The following PCLO variants were observed in gnomAD, a reference collection of about 807,000 sequenced individuals.
The protein encoded by PCLO is piccolo presynaptic cytomatrix protein, also known as protein piccolo.
In PCLO, 82 loss-of-function variants were observed where a neutral mutation model predicts 427.5. That is an observed-to-expected ratio of 0.19 (90% CI 0.16 to 0.23). The LOEUF is 0.23. Among genes scored for constraint, PCLO ranks in the 10% least tolerant of loss-of-function variants. The pLI is 1.00. For synonymous variants in PCLO, 2,357 were observed against 2,155.4 expected (o/e 1.09, Z -2.59); for missense variants, 6,239 against 6,115.9 (o/e 1.02, Z -0.67).
At chr7:82,999,978 A>G (rs1374585787) in intron 3 of PCLO, among the ~76,000 whole-genome samples, 1 of 146,146 alleles carries the variant, frequency 6.8e-6, no homozygotes, top group African/African-American at 2.5e-5. Context: ...CCTCCAAATT[A>G]ATGTCAGACA....
chr7:83,020,177 T>A (rs1788307106), intron 3 of PCLO, among the ~76,000 whole-genome samples: 1 of 152,130 alleles, frequency 6.6e-6, no homozygotes, highest in African/African-American at 2.4e-5. Flanking sequence ...TTGGATCTAG[T>A]TTGACCCCTA....
intron 1 of PCLO, 90 bp from the exon 2 acceptor site, chr7:83,156,482 T>C (rs1369599124): frequency 5.2e-6 from 4 of 775,868 alleles, no homozygotes; most frequent in Non-Finnish European, 5.9e-6. Context: ...ATTGCTTATA[T>C]CTTCAAAATT....
At chr7:83,093,472 G>GTGTGTGTGTGTGTGTGTGTGTATATA (rs745824155) in intron 3 of PCLO, among the ~76,000 whole-genome samples, 1 of 99,196 alleles carries the variant, frequency 1.0e-5, no homozygotes, top group African/African-American at 4.6e-5. Flanking sequence ...ATGTGTGTGT[G>GTGTGTGTGTGTGTGTGTGTGTATATA]TATAGATATA....
At chr7:82,895,623 A>C (rs1177200522) in intron 9 of PCLO, among the ~76,000 whole-genome samples, 6 of 151,962 alleles carry the variant, frequency 3.9e-5, no homozygotes, top group Non-Finnish European at 1.5e-5. Flanking sequence ...AAAATTAGGA[A>C]TAATAAAGGG....
At chr7:83,091,087 T>C (rs575294833) in intron 3 of PCLO, among the ~76,000 whole-genome samples, 33 of 152,228 alleles carry the variant, frequency 2.2e-4, no homozygotes, top group African/African-American at 7.9e-4. Flanking sequence ...ATTAATCAGC[T>C]TTTTTAAAAA....
At chr7:83,111,297 C>G (rs1335353832) in intron 3 of PCLO, among the ~76,000 whole-genome samples, 1 of 152,118 alleles carries the variant, frequency 6.6e-6, no homozygotes, top group Non-Finnish European at 1.5e-5. Flanking sequence ...TTAATTCCCT[C>G]CAGGTGAGTG....
intron 10 of PCLO, among the ~76,000 whole-genome samples, chr7:82,873,480 T>G (rs1235372642): frequency 6.6e-6 from 1 of 152,238 alleles, no homozygotes; most frequent in East Asian, 1.9e-4. Context: ...ATGTCCAGTT[T>G]TAGGCATTTT....
intron 3 of PCLO, among the ~76,000 whole-genome samples, chr7:83,080,473 T>A (rs1315110515): frequency 6.6e-6 from 1 of 152,112 alleles, no homozygotes; most frequent in Non-Finnish European, 1.5e-5. Flanking sequence ...GATTTTTTTA[T>A]ACTTAATAAG....
chr7:82,961,914 A>T (rs1452986270), intron 4 of PCLO, among the ~76,000 whole-genome samples: 3 of 152,232 alleles, frequency 2.0e-5, no homozygotes, highest in Non-Finnish European at 2.9e-5. Context: ...TCTGCAAAAA[A>T]AATCATTTGT....
At chr7:82,905,816 G>A (rs530267578) in intron 8 of PCLO, among the ~76,000 whole-genome samples, 8 of 152,080 alleles carry the variant, frequency 5.3e-5, no homozygotes, top group South Asian at 2.1e-4. Context: ...TGATGTGAGC[G>A]TTAAGTGCAG....
At chr7:82,797,669 C>T (rs1467493278) in intron 22 of PCLO, among the ~76,000 whole-genome samples, 1 of 152,064 alleles carries the variant, frequency 6.6e-6, no homozygotes, top group African/African-American at 2.4e-5. Flanking sequence ...CTTATTTTTG[C>T]TTTACATATG....
Position 82,950,135 on chromosome 7 carries a change from G to A in PCLO, c.10453C>T (p.Pro3485Ser). 1 of 1,609,618 alleles carries A rather than the reference G, an allele frequency of 6.2e-7. No individual in the cohort carries two copies. The highest frequency in any genetic ancestry group is 8.5e-7 in the Non-Finnish European group (1 of 1,179,120). Residue 3485 changes from proline (P) to serine (S), a missense_variant, in exon 6 of 25, where the codon CCT becomes TCT. This residue lies in a region of PCLO where 4,677 missense variants were observed against 4,468.4 expected (regional missense o/e 1.05). Coordinates refer to ENST00000333891, the MANE Select transcript of PCLO (RefSeq NM_033026.6). ...DDEDQDEWDM[P>S]TRSRRKARVG... is the part of the protein sequence containing the mutation. ...CGAGCTTTCCTCCTTGATCTAGTAG[G>A]CATATCCCACTCATCCTGATCTTCA...
intron 3 of PCLO, among the ~76,000 whole-genome samples, chr7:82,994,811 A>G (rs771211445): frequency 1.3e-5 from 2 of 151,966 alleles, no homozygotes; most frequent in South Asian, 2.1e-4. Flanking sequence ...GGTAGTGGGG[A>G]AAAAACGATG....
intron 9 of PCLO, among the ~76,000 whole-genome samples, chr7:82,888,079 A>C (rs751341348): frequency 7.3e-5 from 11 of 151,302 alleles, no homozygotes; most frequent in Admixed American, 1.3e-4. Context: ...CAAAACAAAA[A>C]AAAAAAGAAA....
intron 9 of PCLO, among the ~76,000 whole-genome samples, chr7:82,892,506 C>T (rs1199828631): frequency 1.3e-5 from 2 of 152,100 alleles, no homozygotes; most frequent in Non-Finnish European, 2.9e-5. Flanking sequence ...CCATTCAGGA[C>T]ATAGGCATGG....
At chr7:82,813,523 CCT>C (rs1791615931) in intron 20 of PCLO, among the ~76,000 whole-genome samples, 2 of 151,466 alleles carry the variant, frequency 1.3e-5, no homozygotes, top group Admixed American at 1.3e-4. Context: ...TTTTCTTTTT[CCT>C]CTCAGTTGAA....
At chr7:82,969,707 T>C (rs1290453446) in intron 3 of PCLO, among the ~76,000 whole-genome samples, 3 of 152,008 alleles carry the variant, frequency 2.0e-5, no homozygotes, top group East Asian at 1.9e-4. Context: ...TATCTATTGG[T>C]TGGAAAGTGC....
intron 9 of PCLO, among the ~76,000 whole-genome samples, chr7:82,901,512 T>A (rs1388327902): frequency 1.3e-5 from 2 of 152,064 alleles, no homozygotes; most frequent in Non-Finnish European, 2.9e-5. Context: ...GACATAGGCA[T>A]GGGCAAGGAC....
chr7:82,784,544 A>G (rs1790942593), intron 22 of PCLO, among the ~76,000 whole-genome samples: 1 of 152,216 alleles, frequency 6.6e-6, no homozygotes, highest in Admixed American at 6.5e-5. Context: ...TGTCTCTGCC[A>G]GAACCTGTAT....
Sources: gnomAD v4.1 joint callset for allele counts (sites outside exome capture counted in the v4.1 genomes callset) on GRCh38, gnomAD v4.1.1 for gene constraint, gnomAD v4.1.1 regional missense constraint, MANE v1.5 for transcripts, NCBI Gene and HGNC (gene_info 2026-07-23, HGNC 2026-07-21) for gene names.